The following TXLNB variants were observed in gnomAD, a reference collection of about 807,000 sequenced individuals.
TXLNB encodes beta-taxilin.
Under a neutral mutation model 57.4 loss-of-function variants are expected in TXLNB, and 37 were observed. The ratio of observed to expected loss-of-function variants is 0.64; its 90% confidence interval spans 0.50 to 0.85. The LOEUF (loss-of-function observed/expected upper bound fraction) is 0.85. Among genes scored for constraint, TXLNB ranks in the 40% least tolerant of loss-of-function variants. The probability of loss-of-function intolerance (pLI) is 0.00; values close to 1 mark genes in which losing one functional copy is unlikely to be tolerated. For missense variants in TXLNB, 848 were observed against 825.6 expected (o/e 1.03, Z -0.33); for synonymous variants, 302 against 309.6 (o/e 0.98, Z 0.26).
the TXLNB span, among the ~76,000 whole-genome samples, chr6:139,304,529 CA>C: frequency 1.3e-5 from 2 of 152,202 alleles, no homozygotes; most frequent in Non-Finnish European, 2.9e-5. Flanking sequence ...AGGTGACGAG[CA>C]AGGTTATCAA....
At chr6:139,280,272 A>G (rs6931964) in intron 2 of TXLNB, among the ~76,000 whole-genome samples, 6,616 of 143,366 alleles carry the variant, frequency 0.046, 569 homozygotes, top group African/African-American at 0.17. Flanking sequence ...AAAAAAAAAA[A>G]AAAGAAAGAA....
At chr6:139,182,872 C>A in the TXLNB span, 1 of 152,196 alleles carries the variant, frequency 6.6e-6, no homozygotes, top group African/African-American at 2.4e-5. Flanking sequence ...ACACTGGTTA[C>A]ATTCATCAGT....
chr6:139,166,206 A>G, the TXLNB span: 13 of 1,153,926 alleles, frequency 1.1e-5, no homozygotes, highest in Non-Finnish European at 1.6e-5. Flanking sequence ...AAAACCTTAT[A>G]CCATACTGTT....
chr6:139,237,528 AAAAG>A (rs1386144467), downstream of TXLNB: 2 of 150,724 alleles, frequency 1.3e-5, no homozygotes, highest in African/African-American at 4.9e-5. Context: ...AAAAAAAAAG[AAAAG>A]AAAAAGAAAT....
chr6:139,286,986 C>T (rs1777193056), intron 2 of TXLNB: 1 of 152,950 alleles, frequency 6.5e-6, no homozygotes, highest in Admixed American at 6.5e-5. Flanking sequence ...GCACTTGAAT[C>T]ATCCCGAAAC....
intron 4 of TXLNB, chr6:139,268,869 T>C (rs1056262582): frequency 6.6e-6 from 1 of 152,200 alleles, no homozygotes; most frequent in African/African-American, 2.4e-5. Context: ...GGAGAATCTC[T>C]AGCCAGTTGG....
At chr6:139,170,320 G>A in the TXLNB span, 1 of 152,172 alleles carries the variant, frequency 6.6e-6, no homozygotes, top group Non-Finnish European at 1.5e-5. Context: ...GTTCTTGCTT[G>A]TCATCAATTT....
chr6:139,297,056 C>T, the TXLNB span, among the ~76,000 whole-genome samples: 2 of 152,102 alleles, frequency 1.3e-5, no homozygotes, highest in African/African-American at 4.8e-5. Context: ...CCCCTCACTG[C>T]TTGCCTGTCC....
At chr6:139,235,717 C>T (rs183215881), downstream of TXLNB, among the ~76,000 whole-genome samples, 54 of 152,050 alleles carry the variant, frequency 3.6e-4, no homozygotes, top group East Asian at 8.7e-3. Context: ...GCCCAGGGAC[C>T]GAGGTGAGGA....
the TXLNB span, among the ~76,000 whole-genome samples, chr6:139,183,828 G>A: frequency 2.6e-5 from 4 of 151,928 alleles, no homozygotes; most frequent in African/African-American, 4.8e-5. Context: ...CTGGAGGTTC[G>A]GTACGTGCAA....
At chr6:139,267,972 GAA>G (rs1204004259) in intron 4 of TXLNB, among the ~76,000 whole-genome samples, 9 of 151,930 alleles carry the variant, frequency 5.9e-5, no homozygotes, top group Non-Finnish European at 1.2e-4. Context: ...CCAAGATGGT[GAA>G]ACCCCGTCTC....
At chr6:139,239,669 A>G (rs559854584), downstream of TXLNB, 1 of 151,974 alleles carries the variant, frequency 6.6e-6, no homozygotes. The surrounding 1 kb of genome is among the most constrained non-coding windows in gnomAD (Gnocchi z 4.7). Flanking sequence ...ATTTTTTTAA[A>G]ACATTTTTTG....
chr6:139,273,639 G>T (rs1425977903), intron 3 of TXLNB, among the ~76,000 whole-genome samples: 1 of 152,028 alleles, frequency 6.6e-6, no homozygotes, highest in South Asian at 2.1e-4. Context: ...TAATTTTTTT[G>T]TAGAGATGGG....
intron 1 of TXLNB, among the ~76,000 whole-genome samples, chr6:139,289,465 T>A (rs1205993450): frequency 2.0e-5 from 3 of 152,220 alleles, no homozygotes; most frequent in Non-Finnish European, 4.4e-5. Flanking sequence ...TCCCGGCCGA[T>A]TAAACTGCTT....
At chr6:139,166,796 G>A in the TXLNB span, 8 of 1,613,578 alleles carry the variant, frequency 5.0e-6, no homozygotes, top group Non-Finnish European at 6.8e-6. Context: ...AGCCTACGGT[G>A]CCCGTTCCCC....
Position 139,288,642 on chromosome 6 carries a change from A to C in TXLNB, c.258T>G (p.Ser86Arg). 5.0e-6 allele frequency: 8 copies of C among 1,614,078 alleles called. No homozygotes were observed. Among genetic ancestry groups the C allele is most frequent in the Non-Finnish European group, 6.8e-6 (8 of 1,179,998 alleles). The change falls in exon 2 of 10, where the codon AGT (serine) becomes AGG (arginine). Residue 86 changes from serine to arginine, a missense_variant. Transcript: ENST00000358430. ...TAGKEGSARA[S>R]EQPENAESPD... is the part of the protein sequence containing the mutation. ...GTGATTCTGCATTCTCAGGCTGCTC[A>C]CTGGCCCTGGCAGAGCCCTCTTTCC...
At chr6:139,190,309 CTTT>C in the TXLNB span, among the ~76,000 whole-genome samples, 2 of 115,256 alleles carry the variant, frequency 1.7e-5, no homozygotes, top group Admixed American at 1.0e-4. Context: ...TTCTTTCTTT[CTTT>C]TTTTTTTTTT....
chr6:139,256,891 C>A (rs2114493794), intron 6 of TXLNB, among the ~76,000 whole-genome samples: 1 of 152,036 alleles, frequency 6.6e-6, no homozygotes, highest in African/African-American at 2.4e-5. Context: ...ATATCGGTGG[C>A]CTGTGGATTA....
chr6:139,232,750 A>G, the TXLNB span, among the ~76,000 whole-genome samples: 11 of 152,226 alleles, frequency 7.2e-5, no homozygotes, highest in African/African-American at 2.7e-4. Context: ...CCTTTAGCCA[A>G]TGCTATGATT....
Sources: gnomAD v4.1 joint callset for allele counts (sites outside exome capture counted in the v4.1 genomes callset) on GRCh38, gnomAD v4.1.1 for gene constraint, Gnocchi (gnomAD v3.1) non-coding constraint, MANE v1.5 for transcripts, NCBI Gene and HGNC (gene_info 2026-07-23, HGNC 2026-07-21) for gene names.